SLC35F4: variants seen among roughly 807,000 people sequenced by gnomAD.
SLC35F4 encodes chromosome 14 open reading frame 36.
In SLC35F4, 24 loss-of-function variants were observed where a neutral mutation model predicts 44.2. The observed-to-expected ratio is 0.54, with a 90% confidence interval of 0.39 to 0.76. The LOEUF (loss-of-function observed/expected upper bound fraction) is 0.76, where lower values mean the gene tolerates loss of function less well. Ranked by LOEUF, SLC35F4 falls within the 30% of genes least tolerant of loss-of-function variation. The pLI is 0.00. For missense variants in SLC35F4, 562 were observed against 586.1 expected, an observed-to-expected ratio of 0.96 and a Z score of 0.42; for synonymous variants, 238 against 223.6, an observed-to-expected ratio of 1.06 and a Z score of -0.57.
chr14:57,649,589 C>T (rs1056866295), intron 1 of SLC35F4, among the ~76,000 whole-genome samples: 4 of 152,152 alleles, frequency 2.6e-5, no homozygotes, highest in Non-Finnish European at 5.9e-5. Flanking sequence ...TAAGGTAACA[C>T]GTCCACAGGT....
intron 6 of SLC35F4, among the ~76,000 whole-genome samples, chr14:57,568,967 T>A (rs1352505836): frequency 2.6e-5 from 4 of 152,172 alleles, no homozygotes. Context: ...TTATTATTTT[T>A]CAGGCTCCTC....
intron 1 of SLC35F4, among the ~76,000 whole-genome samples, chr14:57,921,435 C>G (rs1328886362): frequency 6.6e-6 from 1 of 152,184 alleles, no homozygotes; most frequent in African/African-American, 2.4e-5. Flanking sequence ...CCTTTTGAAA[C>G]CTTGGCTTTT....
intron 1 of SLC35F4, among the ~76,000 whole-genome samples, chr14:57,916,786 C>G (rs796852069): frequency 6.6e-6 from 1 of 152,150 alleles, no homozygotes; most frequent in East Asian, 1.9e-4. Flanking sequence ...GCCCATGTAA[C>G]AAACCTGCAC....
intron 4 of SLC35F4, among the ~76,000 whole-genome samples, chr14:57,578,332 T>TTTTG (rs2068965945): frequency 2.9e-5 from 2 of 69,350 alleles, no homozygotes; most frequent in African/African-American, 6.8e-5. Context: ...ACTGTTTTTT[T>TTTTG]TTTTTTTTTT....
chr14:57,588,591 G>A (rs2069947912), intron 3 of SLC35F4, among the ~76,000 whole-genome samples: 1 of 152,118 alleles, frequency 6.6e-6, no homozygotes, highest in African/African-American at 2.4e-5. Context: ...GGAACCATAA[G>A]ACTTTAAGCC....
At chr14:57,928,508 G>T (rs1027358976) in intron 1 of SLC35F4, among the ~76,000 whole-genome samples, 1 of 152,352 alleles carries the variant, frequency 6.6e-6, no homozygotes, top group Middle Eastern at 3.4e-3. Context: ...AACTGAGGCT[G>T]AGAGGGAAAC....
At chr14:57,580,563 T>TATAA (rs1198471578) in intron 4 of SLC35F4, 1 of 366,092 alleles carries the variant, frequency 2.7e-6, no homozygotes, top group Non-Finnish European at 5.3e-6. Context: ...AGAACAAGCA[T>TATAA]ATAAATATAT....
chr14:57,771,984 A>G (rs2077375758), intron 1 of SLC35F4, among the ~76,000 whole-genome samples: 1 of 152,086 alleles, frequency 6.6e-6, no homozygotes, highest in Non-Finnish European at 1.5e-5. Flanking sequence ...TTCACTTTGC[A>G]TAGTATGTGT....
chr14:57,798,377 G>A (rs2078106382), intron 1 of SLC35F4, among the ~76,000 whole-genome samples: 1 of 152,174 alleles, frequency 6.6e-6, no homozygotes, highest in African/African-American at 2.4e-5. Flanking sequence ...ATACACGAAC[G>A]ACAGCAGGAT....
At chr14:57,860,450 C>T in intron 1 of SLC35F4, among the ~76,000 whole-genome samples, 1 of 152,146 alleles carries the variant, frequency 6.6e-6, no homozygotes, top group East Asian at 1.9e-4. Flanking sequence ...TCAAAGCTGA[C>T]CTACTGCATG....
chr14:57,963,403 C>A (rs1409899445), intron 1 of SLC35F4, among the ~76,000 whole-genome samples: 4 of 152,180 alleles, frequency 2.6e-5, no homozygotes, highest in South Asian at 2.1e-4. Context: ...TCTTCAGGAG[C>A]TTGTTGCTCA....
chr14:57,718,138 TG>T (rs2075990783), intron 1 of SLC35F4, among the ~76,000 whole-genome samples: 1 of 152,226 alleles, frequency 6.6e-6, no homozygotes, highest in South Asian at 2.1e-4. Flanking sequence ...TGTCTTTCTG[TG>T]CCTGGCTTCC....
At chr14:57,648,172 G>A (rs1309153769) in intron 1 of SLC35F4, among the ~76,000 whole-genome samples, 1 of 152,126 alleles carries the variant, frequency 6.6e-6, no homozygotes, top group Admixed American at 6.6e-5. Context: ...AAATTCTGAA[G>A]GCAATCATAG....
At chr14:57,971,808 T>C (rs1881061020), downstream of SLC35F4, among the ~76,000 whole-genome samples, 1 of 152,198 alleles carries the variant, frequency 6.6e-6, no homozygotes, top group African/African-American at 2.4e-5. Flanking sequence ...AGTTCTAGCA[T>C]CTAATGTGAG....
chr14:57,822,694 C>A (rs1883300972), intron 1 of SLC35F4, among the ~76,000 whole-genome samples: 1 of 152,132 alleles, frequency 6.6e-6, no homozygotes, highest in African/African-American at 2.4e-5. Flanking sequence ...ACTATAATGT[C>A]CAAGGGGTCT....
chr14:57,830,114 C>CA (rs921699495), intron 1 of SLC35F4, among the ~76,000 whole-genome samples: 3 of 150,462 alleles, frequency 2.0e-5, no homozygotes, highest in South Asian at 2.1e-4. Flanking sequence ...CTGCTACCTA[C>CA]AAAAAAAAAG....
chr14:57,699,122 A>T (rs1197837214), intron 1 of SLC35F4, among the ~76,000 whole-genome samples: 1 of 152,208 alleles, frequency 6.6e-6, no homozygotes, highest in Non-Finnish European at 1.5e-5. Context: ...TAGACATTTT[A>T]TGAAATGAAA....
chr14:57,898,736 T>C (rs1257231431), intron 1 of SLC35F4, among the ~76,000 whole-genome samples: 1 of 152,224 alleles, frequency 6.6e-6, no homozygotes, highest in Admixed American at 6.5e-5. Flanking sequence ...TTTAACAACT[T>C]ATTCAATATG....
intron 1 of SLC35F4, among the ~76,000 whole-genome samples, chr14:57,759,394 A>G (rs767329622): frequency 7.9e-5 from 12 of 152,012 alleles, no homozygotes; most frequent in Non-Finnish European, 1.8e-4. Flanking sequence ...AGCCTGGACA[A>G]CATGGTGAAA....
Sources: gnomAD v4.1 joint callset for allele counts (sites outside exome capture counted in the v4.1 genomes callset) on GRCh38, gnomAD v4.1.1 for gene constraint, MANE v1.5 for transcripts, NCBI Gene and HGNC (gene_info 2026-07-23, HGNC 2026-07-21) for gene names.